PALM2AKAP2: variants seen among roughly 807,000 people sequenced by gnomAD.
PALM2AKAP2 encodes the protein PALM2 and AKAP2 fusion.
Under a neutral mutation model 71.5 loss-of-function variants are expected in PALM2AKAP2, and 37 were observed. The observed-to-expected ratio is 0.52, with a 90% CI of 0.40 to 0.68. PALM2AKAP2 has a LOEUF of 0.68. PALM2AKAP2 is among the 30% of genes least tolerant of loss of function. The probability of loss-of-function intolerance (pLI) is 0.00; values close to 1 mark genes in which losing one functional copy is unlikely to be tolerated. For missense variants in PALM2AKAP2, 1,224 were observed against 1,191.8 expected (o/e 1.03, Z -0.40); for synonymous variants, 468 against 478.8 (o/e 0.98, Z 0.29).
chr9:109,837,600 C>T (rs747691478), intron 1 of PALM2AKAP2, among the ~76,000 whole-genome samples: 2 of 152,068 alleles, frequency 1.3e-5, no homozygotes, highest in Admixed American at 6.6e-5. Flanking sequence ...GATAAAGAGT[C>T]AAGACCTATC....
intron 1 of PALM2AKAP2, among the ~76,000 whole-genome samples, chr9:109,754,257 A>C (rs996195): frequency 0.85 from 129,916 of 152,244 alleles, 55,853 homozygotes; most frequent in African/African-American, 0.96. Context: ...TAGTTAGGAA[A>C]TGAGCAGGAC....
intron 1 of PALM2AKAP2, among the ~76,000 whole-genome samples, chr9:109,729,437 G>A (rs1182394530): frequency 6.6e-6 from 1 of 152,180 alleles, no homozygotes; most frequent in Non-Finnish European, 1.5e-5. Context: ...GCTTCCACAG[G>A]CAGTGGACAT....
intron 5 of PALM2AKAP2, among the ~76,000 whole-genome samples, chr9:109,928,550 G>T (rs559229620): frequency 1.3e-4 from 20 of 152,254 alleles, no homozygotes; most frequent in Admixed American, 1.0e-3. Context: ...TACTCTTTGT[G>T]CTGGCCTATC....
At chr9:109,741,953 G>A (rs1828720549) in intron 1 of PALM2AKAP2, among the ~76,000 whole-genome samples, 1 of 152,184 alleles carries the variant, frequency 6.6e-6, no homozygotes, top group African/African-American at 2.4e-5. Context: ...AATAATAGTT[G>A]TCTTGCATAA....
intron 1 of PALM2AKAP2, among the ~76,000 whole-genome samples, chr9:109,645,672 G>T (rs982831900): frequency 3.3e-5 from 5 of 152,106 alleles, no homozygotes; most frequent in African/African-American, 7.2e-5. Flanking sequence ...AATATTGCAT[G>T]TTCTCATTTA....
At chr9:110,054,744 C>T (rs1833796212) in intron 1 of PALM2AKAP2, among the ~76,000 whole-genome samples, 1 of 151,918 alleles carries the variant, frequency 6.6e-6, no homozygotes. Flanking sequence ...GGCTGTTTTT[C>T]TATTGTTTGT....
chr9:109,844,705 G>A (rs1300103184), intron 1 of PALM2AKAP2, among the ~76,000 whole-genome samples: 1 of 152,212 alleles, frequency 6.6e-6, no homozygotes, highest in Non-Finnish European at 1.5e-5. Context: ...TTGTGCATAT[G>A]TAAGTCTTTG....
At chr9:109,873,816 C>G (rs568866826) in intron 2 of PALM2AKAP2, among the ~76,000 whole-genome samples, 2 of 152,260 alleles carry the variant, frequency 1.3e-5, no homozygotes, top group Admixed American at 1.3e-4. Context: ...CCTCTCCAGA[C>G]ATGCCTCACT....
intron 6 of PALM2AKAP2, 121 bp from the exon 7 acceptor site, chr9:110,015,833 C>A: frequency 2.3e-6 from 2 of 878,388 alleles, no homozygotes; most frequent in Non-Finnish European, 3.6e-6. Context: ...AGGTATAGAG[C>A]TATAGGTCAT....
chr9:109,937,511 C>A (rs1175024256), intron 6 of PALM2AKAP2, among the ~76,000 whole-genome samples: 1 of 152,044 alleles, frequency 6.6e-6, no homozygotes, highest in East Asian at 1.9e-4. Flanking sequence ...ATAAAAAGAG[C>A]ATATTAAAAT....
In PALM2AKAP2 at chr9:110,078,408, G is replaced by C. The variant is rs115035233; in HGVS notation, c.156+29553G>C. Reference sequence around the variant, plus strand: ...GCTTCTCTGTCTATATTTTCCTATGGTGAATTTTTCTGAATTTATGTATTC... The same window carrying C: ...GCTTCTCTGTCTATATTTTCCTATGCTGAATTTTTCTGAATTTATGTATTC... On this transcript the variant is annotated intron_variant, in intron 1 of 3. Transcript: ENST00000374525. Among the ~76,000 whole-genome samples, 500 of 152,168 alleles carry C rather than the reference G, an allele frequency of 3.3e-3. 3 individuals are homozygous for C. Among genetic ancestry groups the C allele is most frequent in the African/African-American group, 0.012 (482 of 41,518 alleles).
intron 1 of PALM2AKAP2, among the ~76,000 whole-genome samples, chr9:109,851,694 C>T (rs1035170423): frequency 5.3e-5 from 8 of 152,170 alleles, no homozygotes; most frequent in Admixed American, 5.2e-4. Context: ...ACAGTCAAAG[C>T]CAGTGATGAT....
intron 1 of PALM2AKAP2, among the ~76,000 whole-genome samples, chr9:110,075,055 T>C (rs915971259): frequency 5.9e-5 from 9 of 152,070 alleles, no homozygotes; most frequent in African/African-American, 1.7e-4. Flanking sequence ...AAGAGATGAA[T>C]TAGAAGAATG....
rs187285211 is a variant in PALM2AKAP2 at position 109,836,003 on chromosome 9, T to C, written c.46-31488T>C. On this transcript the variant is annotated intron_variant, in intron 1 of 9. Transcript: ENST00000302798. ...GCAGAAACCTCTGCAGACTTAAATG[T>C]CCCTGTCTGACAGCTTTGAAGAGAG... Among the ~76,000 whole-genome samples the C allele has an allele frequency of 6.0e-4, 91 of 152,316 alleles. 1 individual carries two copies. In the East Asian group the frequency reaches 0.017, roughly 29 times the overall value.
chr9:109,889,251 G>A (rs2131804237), intron 3 of PALM2AKAP2, among the ~76,000 whole-genome samples: 1 of 152,322 alleles, frequency 6.6e-6, no homozygotes, highest in South Asian at 2.1e-4. Context: ...TTTTGCAAAG[G>A]CAATAATTTT....
intron 1 of PALM2AKAP2, among the ~76,000 whole-genome samples, chr9:109,691,875 CACACACATATATATATATATATATAT>C (rs1431212446): frequency 7.2e-5 from 4 of 55,254 alleles, no homozygotes; most frequent in Admixed American, 2.0e-4. Flanking sequence ...TATACACACA[CACACACATATATATATATATATATAT>C]ACACACACAC....
chr9:109,866,450 G>A (rs570590371), intron 1 of PALM2AKAP2, among the ~76,000 whole-genome samples: 1 of 152,172 alleles, frequency 6.6e-6, no homozygotes, highest in South Asian at 2.1e-4. Flanking sequence ...TATCATGAGA[G>A]CAGACCTTTC....
At chr9:110,045,642 A>T, upstream of PALM2AKAP2, among the ~76,000 whole-genome samples, 1 of 151,760 alleles carries the variant, frequency 6.6e-6, no homozygotes, top group Admixed American at 6.6e-5. Flanking sequence ...ATCTCGGCTC[A>T]CTGCAATCTC....
chr9:110,123,460 C>G (rs1835532987), intron 1 of PALM2AKAP2, among the ~76,000 whole-genome samples: 1 of 152,118 alleles, frequency 6.6e-6, no homozygotes, highest in Non-Finnish European at 1.5e-5. Context: ...CCCTGGTGAC[C>G]TCACTTAAAT....
Sources: gnomAD v4.1 joint callset for allele counts (sites outside exome capture counted in the v4.1 genomes callset) on GRCh38, gnomAD v4.1.1 for gene constraint, MANE v1.5 for transcripts, NCBI Gene and HGNC (gene_info 2026-07-23, HGNC 2026-07-21) for gene names.